PTPRM: variants seen among roughly 807,000 people sequenced by gnomAD.
PTPRM encodes protein tyrosine phosphatase receptor type M, also known as receptor-type tyrosine-protein phosphatase mu.
In PTPRM, 47 loss-of-function variants were observed where a neutral mutation model predicts 186.7. The observed-to-expected ratio is 0.25, with a 90% CI of 0.20 to 0.32. PTPRM has a LOEUF of 0.32. Ranked by LOEUF, PTPRM falls within the 10% of genes least tolerant of loss-of-function variation. The probability of loss-of-function intolerance (pLI) is 1.00; values close to 1 mark genes in which losing one functional copy is unlikely to be tolerated. For synonymous variants in PTPRM, 668 were observed against 674.9 expected, an observed-to-expected ratio of 0.99 and a Z score of 0.16; for missense variants, 1,494 against 1,865.0, an observed-to-expected ratio of 0.80 and a Z score of 3.66.
At chr18:8,261,306 G>A (rs1212847770) in intron 19 of PTPRM, among the ~76,000 whole-genome samples, 1 of 152,168 alleles carries the variant, frequency 6.6e-6, no homozygotes, top group East Asian at 1.9e-4. Context: ...TCACACGGCT[G>A]TGTCTCCAAT....
At chr18:8,243,377 G>A (rs1450223570) in intron 14 of PTPRM, among the ~76,000 whole-genome samples, 1 of 152,152 alleles carries the variant, frequency 6.6e-6, no homozygotes, top group East Asian at 1.9e-4. Context: ...TGCTCTGTAG[G>A]GGTTGACAAA....
chr18:7,605,748 A>T (rs931851956), intron 1 of PTPRM, among the ~76,000 whole-genome samples: 13 of 152,310 alleles, frequency 8.5e-5, no homozygotes, highest in Admixed American at 4.6e-4. Context: ...CTCATTCTGC[A>T]GTCTGAGGCT....
chr18:8,168,573 C>T (rs1199010908), intron 14 of PTPRM, among the ~76,000 whole-genome samples: 1 of 152,084 alleles, frequency 6.6e-6, no homozygotes, highest in African/African-American at 2.4e-5. Context: ...AAGTTAGTTC[C>T]ATATTCACTT....
chr18:7,959,392 C>T (rs1487394437), intron 7 of PTPRM, among the ~76,000 whole-genome samples: 1 of 152,082 alleles, frequency 6.6e-6, no homozygotes, highest in Admixed American at 6.5e-5. Context: ...TTTGGCCAAG[C>T]TCTGTGTTTT....
At chr18:7,710,088 A>T (rs2040180258) in intron 1 of PTPRM, among the ~76,000 whole-genome samples, 1 of 152,202 alleles carries the variant, frequency 6.6e-6, no homozygotes, top group South Asian at 2.1e-4. Context: ...GAAAGAACAT[A>T]ACAAAAAGAG....
chr18:7,629,334 T>C (rs1310260758), intron 1 of PTPRM, among the ~76,000 whole-genome samples: 1 of 152,178 alleles, frequency 6.6e-6, no homozygotes, highest in African/African-American at 2.4e-5. Flanking sequence ...AAGCATTAGG[T>C]TGATGATCAT....
At chr18:7,710,428 C>T (rs2040187933) in intron 1 of PTPRM, among the ~76,000 whole-genome samples, 1 of 152,170 alleles carries the variant, frequency 6.6e-6, no homozygotes. Flanking sequence ...GTAAAACCCA[C>T]AGCCAACATC....
At chr18:7,734,565 G>A (rs879566719) in intron 1 of PTPRM, among the ~76,000 whole-genome samples, 7 of 152,150 alleles carry the variant, frequency 4.6e-5, no homozygotes, top group African/African-American at 1.4e-4. Flanking sequence ...CTGGATTCTG[G>A]TAGGGTTGAT....
chr18:7,780,695 A>G (rs2042813165), intron 2 of PTPRM, among the ~76,000 whole-genome samples: 1 of 152,174 alleles, frequency 6.6e-6, no homozygotes, highest in South Asian at 2.1e-4. Flanking sequence ...TGGAGGAGGC[A>G]GGCAGTCCAC....
At chr18:7,651,481 A>G (rs1450049615) in intron 1 of PTPRM, among the ~76,000 whole-genome samples, 1 of 152,220 alleles carries the variant, frequency 6.6e-6, no homozygotes, top group Non-Finnish European at 1.5e-5. Flanking sequence ...TGGAGGCATC[A>G]TGCTACCTGA....
chr18:7,846,862 C>T (rs1337910237), intron 2 of PTPRM, among the ~76,000 whole-genome samples: 1 of 152,056 alleles, frequency 6.6e-6, no homozygotes, highest in Non-Finnish European at 1.5e-5. Context: ...GATGTCTCTT[C>T]CTCTTCAGTG....
chr18:7,688,741 A>G (rs1568030680), intron 1 of PTPRM, among the ~76,000 whole-genome samples: 1 of 152,142 alleles, frequency 6.6e-6, no homozygotes. Flanking sequence ...TTTTGTTGGA[A>G]CATCCAGCAC....
intron 23 of PTPRM, among the ~76,000 whole-genome samples, chr18:8,369,959 A>G (rs1282648384): frequency 6.6e-6 from 1 of 152,188 alleles, no homozygotes; most frequent in East Asian, 1.9e-4. Flanking sequence ...CTAAAAAAGA[A>G]AACAAAACAA....
intron 2 of PTPRM, among the ~76,000 whole-genome samples, chr18:7,812,752 T>A (rs549066945): frequency 2.6e-5 from 4 of 152,068 alleles, no homozygotes; most frequent in African/African-American, 9.6e-5. Flanking sequence ...ACAGCAATAC[T>A]TGTTCAAAGT....
intron 19 of PTPRM, among the ~76,000 whole-genome samples, chr18:8,286,916 C>G (rs151327934): frequency 2.6e-5 from 4 of 151,738 alleles, no homozygotes; most frequent in Middle Eastern, 3.4e-3. Context: ...TCACAAATAT[C>G]ACATTAAAAT....
chr18:8,275,176 T>A (rs1601589784), intron 19 of PTPRM, among the ~76,000 whole-genome samples: 1 of 152,138 alleles, frequency 6.6e-6, no homozygotes. Flanking sequence ...TGGTAGCTCA[T>A]ACCTGTAATC....
rs556901360 is a variant in PTPRM, at chr18:8,107,620, G to A, written c.1857-5866G>A. Among the ~76,000 whole-genome samples the A allele has an allele frequency of 2.6e-5, 4 of 152,298 alleles. No homozygotes were observed. The East Asian group carries it at 7.7e-4, about 29-fold the overall frequency. ...AAGCTCCTTGTTATGAGTTACGGCT[G>A]AGAGAACATAAAAAATGCTTGTGGT... On this transcript the variant is annotated intron_variant, in intron 11 of 32. Transcript: ENST00000580170.
intron 19 of PTPRM, among the ~76,000 whole-genome samples, chr18:8,281,737 A>G (rs1392485142): frequency 6.6e-6 from 1 of 152,142 alleles, no homozygotes; most frequent in Non-Finnish European, 1.5e-5. Context: ...CTCCTAACAT[A>G]TCCAGTATTG....
intron 1 of PTPRM, among the ~76,000 whole-genome samples, chr18:7,677,816 C>G (rs954892941): frequency 1.2e-4 from 19 of 152,012 alleles, no homozygotes; most frequent in Non-Finnish European, 1.5e-5. Context: ...ATGTAAAGAG[C>G]AGTACCCACT....
Sources: allele counts gnomAD v4.1 joint callset (sites outside exome capture counted in the v4.1 genomes callset), GRCh38; gene constraint gnomAD v4.1.1; transcripts MANE v1.5; gene names NCBI Gene and HGNC (gene_info 2026-07-23, HGNC 2026-07-21).